SPATS2L: variants seen among roughly 807,000 people sequenced by gnomAD.
SPATS2L encodes SPATS2-like protein.
In SPATS2L, 30 loss-of-function variants were observed where a neutral mutation model predicts 59.6. That is an observed-to-expected ratio of 0.50 (90% CI 0.38 to 0.68). The LOEUF (loss-of-function observed/expected upper bound fraction) is 0.68. Ranked by LOEUF, SPATS2L falls within the 30% of genes least tolerant of loss-of-function variation. The pLI is 0.00. For missense variants in SPATS2L, 615 were observed against 700.0 expected (o/e 0.88, Z 1.37); for synonymous variants, 252 against 263.5 (o/e 0.96, Z 0.42).
chr2:200,423,347 G>A (rs2106024373), intron 6 of SPATS2L, among the ~76,000 whole-genome samples: 1 of 152,244 alleles, frequency 6.6e-6, no homozygotes, highest in Middle Eastern at 3.4e-3. Context: ...GCTCTAACAG[G>A]TATTCTGCAG....
At chr2:200,320,502 C>A (rs1483403248) in intron 1 of SPATS2L, among the ~76,000 whole-genome samples, 1 of 152,156 alleles carries the variant, frequency 6.6e-6, no homozygotes, top group Admixed American at 6.5e-5. Flanking sequence ...GGAAATTACT[C>A]CATAGGTGTC....
intron 2 of SPATS2L, among the ~76,000 whole-genome samples, chr2:200,355,630 C>T (rs778603082): frequency 2.6e-5 from 4 of 152,182 alleles, no homozygotes; most frequent in Non-Finnish European, 4.4e-5. Flanking sequence ...ATTTGAGTTG[C>T]GGAAAGCAGG....
rs2087758869 is a variant in SPATS2L, at chr2:200,480,864, T to C, written c.*2833T>C. The C allele has an allele frequency of 6.6e-6, 1 of 152,246 alleles. No individual in the cohort carries two copies. The highest frequency in any genetic ancestry group is 1.5e-5 in the Non-Finnish European group (1 of 68,036). 9.4% of individuals were successfully genotyped at this position (152,246 alleles called of 1,614,324 possible). On this transcript the variant is annotated 3_prime_UTR_variant, in exon 13 of 13. Transcript: ENST00000409140. ...ATTCTGCCATTCATTTAAAGTGTTT[T>C]AAACTCTAATCTCTCTACTTAATGC...
chr2:200,474,949 C>A (rs568064701), intron 12 of SPATS2L, among the ~76,000 whole-genome samples: 5 of 152,292 alleles, frequency 3.3e-5, no homozygotes, highest in Admixed American at 2.0e-4. Context: ...ACTCTTTGTT[C>A]TGAAGCATGC....
intron 2 of SPATS2L, among the ~76,000 whole-genome samples, chr2:200,354,138 A>G (rs958196386): frequency 1.3e-4 from 20 of 152,222 alleles, no homozygotes; most frequent in African/African-American, 4.8e-4. Flanking sequence ...CCTGTCATTT[A>G]TCCCAAAGAG....
chr2:200,362,812 A>G (rs1272862690), intron 2 of SPATS2L, among the ~76,000 whole-genome samples: 3 of 152,036 alleles, frequency 2.0e-5, no homozygotes, highest in Non-Finnish European at 4.4e-5. Context: ...GAAGGAGAAA[A>G]TCTCGCTCTG....
chr2:200,457,751 C>T (rs938920830), intron 8 of SPATS2L, among the ~76,000 whole-genome samples: 2 of 152,208 alleles, frequency 1.3e-5, no homozygotes, highest in African/African-American at 4.8e-5. Context: ...AGCTGAGTTC[C>T]TCAGCACACA....
intron 1 of SPATS2L, among the ~76,000 whole-genome samples, chr2:200,311,423 A>G (rs1393834978): frequency 6.6e-6 from 1 of 152,180 alleles, no homozygotes; most frequent in Non-Finnish European, 1.5e-5. Flanking sequence ...TAGTTATTTT[A>G]AGGTGGAGTG....
At chr2:200,373,766 A>G (rs897576780) in intron 2 of SPATS2L, among the ~76,000 whole-genome samples, 1 of 152,224 alleles carries the variant, frequency 6.6e-6, no homozygotes, top group African/African-American at 2.4e-5. Flanking sequence ...TGTTAGATTA[A>G]AGCATATATT....
Position 200,419,644 on chromosome 2 carries a change from G to A in SPATS2L, c.445+148G>A, listed in dbSNP as rs1205944000. ...TTCAGCCTTCCTGAAGCCAGGATTGGGGGTGAAGGGGAATGTAACAGGGCA... is the reference window on the plus strand; with the variant it reads ...TTCAGCCTTCCTGAAGCCAGGATTGAGGGTGAAGGGGAATGTAACAGGGCA... On this transcript the variant is annotated intron_variant, in intron 6 of 12. Transcript: ENST00000409140. 3 of 820,536 alleles carry A rather than the reference G, an allele frequency of 3.7e-6. No homozygotes were observed. In the African/African-American group the frequency reaches 5.2e-5, roughly 14 times the overall value. The allele number at this position is 820,536 out of a possible 1,614,324, so 50.8% of individuals were successfully genotyped here.
At position 200,478,217 on chromosome 2, in the gene SPATS2L, C is replaced by T. The variant is rs2087685115; in HGVS notation, c.*186C>T. On this transcript the variant is annotated 3_prime_UTR_variant, in exon 13 of 13. Transcript: ENST00000409140. ...TTGCTTCATAATTTTCATGGCTTTG[C>T]TTGATCTGTTGATGCTTTCTCTCAT... 3 of 539,428 alleles carry T rather than the reference C, an allele frequency of 5.6e-6. No homozygotes were observed. The highest frequency in any genetic ancestry group is 8.9e-6 in the Non-Finnish European group (3 of 337,272). The allele number at this position is 539,428 out of a possible 1,614,324, so 33.4% of individuals were successfully genotyped here.
intron 2 of SPATS2L, chr2:200,372,169 CGG>C: frequency 1.0e-6 from 1 of 985,382 alleles, no homozygotes; most frequent in Non-Finnish European, 1.2e-6. Flanking sequence ...ATGGGAAACT[CGG>C]GAAAAGACTG....
intron 3 of SPATS2L, chr2:200,390,184 T>C (rs73986857): frequency 0.024 from 3,702 of 152,282 alleles, 143 homozygotes; most frequent in African/African-American, 0.084. Context: ...ATACCAAAAA[T>C]AGAGTGAAGG....
chr2:200,385,722 T>C (rs181147112), intron 2 of SPATS2L, among the ~76,000 whole-genome samples: 3 of 152,004 alleles, frequency 2.0e-5, no homozygotes, highest in Non-Finnish European at 4.4e-5. Flanking sequence ...AGATGGAGTC[T>C]CGCTCTGTCG....
At chr2:200,351,700 T>TTATAGA (rs1448651158) in intron 2 of SPATS2L, among the ~76,000 whole-genome samples, 1 of 144,632 alleles carries the variant, frequency 6.9e-6, no homozygotes, top group Non-Finnish European at 1.6e-5. Flanking sequence ...TAGCGAGGAG[T>TTATAGA]TATAGATTGA....
intron 2 of SPATS2L, among the ~76,000 whole-genome samples, chr2:200,330,137 C>T (rs893872900): frequency 1.1e-4 from 6 of 55,500 alleles, no homozygotes; most frequent in Non-Finnish European, 1.9e-4. Context: ...ACCCATCTTG[C>T]AGAATTGTCA....
chr2:200,469,617 G>A, intron 10 of SPATS2L: 1 of 265,514 alleles, frequency 3.8e-6, no homozygotes, highest in Non-Finnish European at 7.1e-6. Flanking sequence ...ATTCAGAAAA[G>A]TACTAGGAGG....
At chr2:200,376,692 T>G (rs17531736) in intron 2 of SPATS2L, among the ~76,000 whole-genome samples, 4 of 152,192 alleles carry the variant, frequency 2.6e-5, no homozygotes, top group African/African-American at 9.7e-5. Flanking sequence ...AGTGGTATTG[T>G]AGTAATGGAT....
intron 2 of SPATS2L, among the ~76,000 whole-genome samples, chr2:200,338,354 G>C (rs565000208): frequency 5.9e-5 from 9 of 152,302 alleles, no homozygotes; most frequent in African/African-American, 1.9e-4. Flanking sequence ...GGAATCAGTA[G>C]CTAATTTTAG....
Sources: allele counts gnomAD v4.1 joint callset (sites outside exome capture counted in the v4.1 genomes callset), GRCh38; gene constraint gnomAD v4.1.1; transcripts MANE v1.5; gene names NCBI Gene and HGNC (gene_info 2026-07-23, HGNC 2026-07-21).